Variants in LARP1 observed in about 807,000 individuals in gnomAD.
LARP1 encodes the protein La ribonucleoprotein 1, translational regulator, also known as la-related protein 1.
A neutral mutation model predicts 122.7 loss-of-function variants in LARP1; 36 were observed. The observed-to-expected ratio is 0.29, with a 90% CI of 0.22 to 0.39. The LOEUF is 0.39. Among genes scored for constraint, LARP1 ranks in the 10% least tolerant of loss-of-function variants. The pLI is 1.00. For missense variants in LARP1, 1,040 were observed against 1,403.6 expected (o/e 0.74, Z 4.14); for synonymous variants, 539 against 528.7 (o/e 1.02, Z -0.27).
intron 18 of LARP1, among the ~76,000 whole-genome samples, chr5:154,813,100 T>TAGAC (rs34588766): frequency 0.89 from 135,291 of 151,960 alleles, 61,030 homozygotes; most frequent in African/African-American, 0.98. Context: ...CAGGACTTAT[T>TAGAC]AGGTTAACTG....
rs554495121 is a variant in LARP1, at chr5:154,813,775, C to A, written c.3082-112C>A. ...TATAATTTATTTTTAAGGTTAAACCCATTCATTTTCTATATTTGGAGGTAG... is the reference window on the plus strand; with the variant it reads ...TATAATTTATTTTTAAGGTTAAACCAATTCATTTTCTATATTTGGAGGTAG... On this transcript the variant is annotated intron_variant, in intron 18 of 18. Coordinates refer to ENST00000518297, the MANE Select transcript of LARP1 (RefSeq NM_033551.3). The A allele has an allele frequency of 1.9e-4, 166 of 861,310 alleles. 1 individual carries two copies. In the African/African-American group the frequency reaches 2.3e-3, roughly 12 times the overall value. The allele number at this position is 861,310 out of a possible 1,614,324, so 53.4% of individuals were successfully genotyped here.
intron 1 of LARP1, among the ~76,000 whole-genome samples, chr5:154,748,664 C>T (rs997199988): frequency 3.3e-5 from 5 of 152,216 alleles, no homozygotes; most frequent in Non-Finnish European, 5.9e-5. Context: ...TTAGCATATA[C>T]TCTGCTATAC....
At chr5:154,752,695 T>C (rs1582282651), upstream of LARP1, among the ~76,000 whole-genome samples, 1 of 151,848 alleles carries the variant, frequency 6.6e-6, no homozygotes, top group Non-Finnish European at 1.5e-5. Flanking sequence ...TCCCAGCACT[T>C]TGGGAAGCTG....
intron 15 of LARP1, 152 bp downstream of exon 15, chr5:154,806,184 A>C: frequency 1.2e-6 from 1 of 813,318 alleles, no homozygotes; most frequent in Non-Finnish European, 1.8e-6. Flanking sequence ...CTGAAGTTAG[A>C]CTCGGGCCAG....
intron 4 of LARP1, among the ~76,000 whole-genome samples, chr5:154,793,002 C>T (rs1417648523): frequency 1.3e-5 from 2 of 152,206 alleles, no homozygotes; most frequent in Non-Finnish European, 2.9e-5. Flanking sequence ...GAAATTTTGG[C>T]TTCTCTAATG....
intron 1 of LARP1, among the ~76,000 whole-genome samples, chr5:154,728,601 G>A (rs915739774): frequency 6.6e-6 from 1 of 152,216 alleles, no homozygotes; most frequent in African/African-American, 2.4e-5. Flanking sequence ...CACAGTATAT[G>A]AGTGAGGCAT....
chr5:154,811,445 A>C, intron 17 of LARP1, 68 bp from the exon 18 acceptor site: 2 of 1,612,022 alleles, frequency 1.2e-6, no homozygotes, highest in Middle Eastern at 1.7e-4. Flanking sequence ...GTATTACACA[A>C]CACCTCCCTC....
At chr5:154,762,789 C>T (rs1004038565) in intron 1 of LARP1, among the ~76,000 whole-genome samples, 43 of 152,286 alleles carry the variant, frequency 2.8e-4, no homozygotes, top group African/African-American at 1.0e-3. Flanking sequence ...ACATTCCAGC[C>T]ACTCAAAGTT....
At chr5:154,712,607 G>C (rs1755271532), upstream of LARP1, among the ~76,000 whole-genome samples, 1 of 152,182 alleles carries the variant, frequency 6.6e-6, no homozygotes, top group African/African-American at 2.4e-5. Context: ...TGTTTTCCAG[G>C]GTGGAGAGTG....
intron 1 of LARP1, among the ~76,000 whole-genome samples, chr5:154,693,813 G>T (rs58702937): frequency 6.7e-6 from 1 of 149,328 alleles, no homozygotes; most frequent in African/African-American, 2.5e-5. Context: ...CCGAGATCGC[G>T]CCACTGCACT....
At chr5:154,793,474 C>T in intron 4 of LARP1, 121 bp from the exon 5 acceptor site, 1 of 1,268,154 alleles carries the variant, frequency 7.9e-7, no homozygotes, top group Non-Finnish European at 1.1e-6. Flanking sequence ...AAGGGATCTG[C>T]CCAAGGTAAC....
At chr5:154,715,533 G>A (rs768159378) in intron 1 of LARP1, among the ~76,000 whole-genome samples, 11 of 151,968 alleles carry the variant, frequency 7.2e-5, no homozygotes, top group Non-Finnish European at 1.5e-4. Flanking sequence ...ATGAGCCACC[G>A]TGCCCGACCA....
upstream of LARP1, among the ~76,000 whole-genome samples, chr5:154,711,367 C>T (rs1755212120): frequency 6.6e-6 from 1 of 152,064 alleles, no homozygotes; most frequent in South Asian, 2.1e-4. Context: ...TTCTTGAACT[C>T]CTGACCTCGT....
intron 18 of LARP1, among the ~76,000 whole-genome samples, chr5:154,812,726 G>A (rs1259499734): frequency 1.3e-5 from 2 of 151,962 alleles, no homozygotes. Flanking sequence ...CACCATGTTG[G>A]CCAGGCAGGT....
At position 154,755,488 on chromosome 5, in the gene LARP1, G is replaced by T; in HGVS notation, c.-270G>T. ...GGCTCGGGGTGGGGGCGTCTTGCGA[G>T]GAACGGGCGGGGGGGGACGCACGCC... On this transcript the variant is annotated 5_prime_UTR_variant, in exon 1 of 19. It adds an upstream start codon to the 5' untranslated region. Transcript: ENST00000518297. 1.1e-6 allele frequency: 1 copy of T among 945,222 alleles called. No homozygotes were observed. The highest frequency in any genetic ancestry group is 4.9e-5 in the South Asian group (1 of 20,578). The allele number at this position is 945,222 out of a possible 1,614,324, so 58.6% of individuals were successfully genotyped here.
At chr5:154,763,040 C>G (rs181105155) in intron 1 of LARP1, among the ~76,000 whole-genome samples, 1 of 148,550 alleles carries the variant, frequency 6.7e-6, no homozygotes, top group Non-Finnish European at 1.5e-5. Context: ...CCCAAGTGAT[C>G]TGCTGAGCAG....
At position 154,803,325 on chromosome 5, in the gene LARP1, C is replaced by T; in HGVS notation, c.2145C>T (p.Ile715=). 1 of 1,614,142 alleles carries T rather than the reference C, an allele frequency of 6.2e-7. No homozygotes were observed. Among genetic ancestry groups the T allele is most frequent in the Non-Finnish European group, 8.5e-7 (1 of 1,180,030 alleles). ...AGAACTTCAAAAAGGTCAATATGAT[C>T]AGCCGGGAGCAGTTTGACACACTGA... ...EVENFKKVNM[I]SREQFDTLTP... is the part of the protein sequence containing the mutation. Residue 715 remains isoleucine (I), a synonymous_variant, in exon 12 of 19, where the codon ATC becomes ATT. Transcript: ENST00000518297. This position sits in a 1 kb window ranked among gnomAD's most constrained non-coding sequence, Gnocchi z 4.4.
intron 1 of LARP1, among the ~76,000 whole-genome samples, chr5:154,692,825 T>G (rs1249604853): frequency 6.6e-6 from 1 of 152,114 alleles, no homozygotes; most frequent in Non-Finnish European, 1.5e-5. Flanking sequence ...AGACTCAGAA[T>G]CAAGTAACCT....
At chr5:154,745,997 T>G (rs113549709) in intron 1 of LARP1, among the ~76,000 whole-genome samples, 3,920 of 152,272 alleles carry the variant, frequency 0.026, 162 homozygotes, top group African/African-American at 0.09. Flanking sequence ...GGTTTCACCA[T>G]GTTGGCCGGC....
Sources: allele counts gnomAD v4.1 joint callset (sites outside exome capture counted in the v4.1 genomes callset), GRCh38; gene constraint gnomAD v4.1.1; non-coding constraint Gnocchi (gnomAD v3.1); transcripts MANE v1.5; gene names NCBI Gene and HGNC (gene_info 2026-07-23, HGNC 2026-07-21).